The following STK3 variants were observed in gnomAD, a reference collection of about 807,000 sequenced individuals.
The protein encoded by STK3 is serine/threonine-protein kinase 3.
In STK3, 41 loss-of-function variants were observed where a neutral mutation model predicts 58.0. That is an observed-to-expected ratio of 0.71 (90% CI 0.55 to 0.92). The LOEUF is 0.92. Ranked by LOEUF, STK3 falls within the 40% of genes least tolerant of loss-of-function variation. The pLI is 0.00. For missense variants in STK3, 479 were observed against 602.7 expected (o/e 0.79, Z 2.15); for synonymous variants, 170 against 191.0 (o/e 0.89, Z 0.91).
chr8:98,915,057 GGGT>G (rs750710419), intron 1 of STK3, among the ~76,000 whole-genome samples: 10 of 151,868 alleles, frequency 6.6e-5, no homozygotes, highest in Non-Finnish European at 1.2e-4. Context: ...TCAAAGGAAA[GGGT>G]GGTTGTGATG....
intron 3 of STK3, among the ~76,000 whole-genome samples, chr8:98,404,880 T>G (rs2131031467): frequency 6.6e-6 from 1 of 152,158 alleles, no homozygotes; most frequent in African/African-American, 2.4e-5. Flanking sequence ...AAAACTTGAC[T>G]GTAGGTTACC....
At chr8:98,515,907 G>A (rs1339141962) in intron 10 of STK3, among the ~76,000 whole-genome samples, 1 of 151,852 alleles carries the variant, frequency 6.6e-6, no homozygotes, top group Non-Finnish European at 1.5e-5. Context: ...TTCTGTAAAG[G>A]ATCTCCTGCA....
intron 3 of STK3, among the ~76,000 whole-genome samples, chr8:98,415,829 G>T (rs1054334934): frequency 6.6e-6 from 1 of 152,154 alleles, no homozygotes; most frequent in Non-Finnish European, 1.5e-5. Context: ...ATGTGGTATT[G>T]TTGTACAATG....
chr8:98,679,564 G>T (rs1487993484), intron 6 of STK3, among the ~76,000 whole-genome samples: 1 of 152,070 alleles, frequency 6.6e-6, no homozygotes. Flanking sequence ...CCCTCCCTCA[G>T]TAGAATATAA....
intron 6 of STK3, among the ~76,000 whole-genome samples, chr8:98,688,487 A>G (rs929014603): frequency 2.6e-5 from 4 of 152,222 alleles, no homozygotes; most frequent in African/African-American, 4.8e-5. Context: ...TCATATGTAC[A>G]TAGAACATAC....
chr8:98,857,682 A>G (rs549216648), intron 3 of STK3, among the ~76,000 whole-genome samples: 3 of 152,332 alleles, frequency 2.0e-5, no homozygotes, highest in African/African-American at 7.2e-5. Context: ...AAAACTTCTA[A>G]AAGTGACATC....
intron 8 of STK3, among the ~76,000 whole-genome samples, chr8:98,558,727 T>C (rs991104123): frequency 2.6e-5 from 4 of 152,078 alleles, no homozygotes; most frequent in African/African-American, 9.7e-5. Context: ...TCCATTATGA[T>C]AGTATTTTTA....
At chr8:98,683,747 C>T (rs1024597154) in intron 6 of STK3, among the ~76,000 whole-genome samples, 2 of 152,080 alleles carry the variant, frequency 1.3e-5, no homozygotes, top group African/African-American at 4.8e-5. Flanking sequence ...AGAAAGATTA[C>T]GGGAGGAAGA....
At position 98,854,406 on chromosome 8, in the gene STK3, C is replaced by T. The variant is rs180915799; in HGVS notation, c.110+29241G>A. ...TGCCCAACTCTGCCTCCCAAAATGCCGAGATTACAGGCATGAGCCACCATG... is the reference window on the plus strand; with the variant it reads ...TGCCCAACTCTGCCTCCCAAAATGCTGAGATTACAGGCATGAGCCACCATG... On this transcript the variant is annotated intron_variant, in intron 3 of 12. Transcript: ENST00000523601. 8.6e-3 allele frequency among the ~76,000 whole-genome samples: 1,302 copies of T among 151,872 alleles called. 13 individuals carry two copies. The highest frequency in any genetic ancestry group is 0.029 in the African/African-American group (1,217 of 41,448).
intron 3 of STK3, among the ~76,000 whole-genome samples, chr8:98,857,346 A>G (rs948357430): frequency 1.3e-5 from 2 of 152,208 alleles, no homozygotes; most frequent in Non-Finnish European, 2.9e-5. Context: ...GTTTAGCTTC[A>G]TGGATCTGTT....
At chr8:98,662,528 T>C (rs532838900) in intron 6 of STK3, among the ~76,000 whole-genome samples, 3 of 152,282 alleles carry the variant, frequency 2.0e-5, no homozygotes, top group Admixed American at 6.5e-5. Context: ...TTTAACACCA[T>C]GGATTAAAAA....
At chr8:98,416,055 G>A (rs747120527) in intron 3 of STK3, among the ~76,000 whole-genome samples, 2 of 152,176 alleles carry the variant, frequency 1.3e-5, no homozygotes, top group Admixed American at 1.3e-4. Flanking sequence ...TACTTCCACA[G>A]CAGAGGGAGA....
chr8:98,782,315 A>G lies in STK3; in HGVS notation c.27-7496T>C, dbSNP rs532079878. The G allele has an allele frequency of 2.2e-4, 40 of 179,524 alleles. No homozygotes were observed. In the Middle Eastern group the frequency reaches 0.024, roughly 108 times the overall value. The allele number at this position is 179,524 out of a possible 1,614,324, so 11.1% of individuals were successfully genotyped here. A position where few individuals can be genotyped will look rare whatever the true frequency, so the allele number is the denominator to read the frequency against. Reference sequence around the variant, plus strand: ...ACAGCCAATACTCAAATGCCAGAGAAGGTAACCTGGGTGAGGAGAATAGGA... The same window carrying G: ...ACAGCCAATACTCAAATGCCAGAGAGGGTAACCTGGGTGAGGAGAATAGGA... On this transcript the variant is annotated intron_variant, in intron 1 of 10. Transcript: ENST00000419617.
intron 1 of STK3, among the ~76,000 whole-genome samples, chr8:98,808,118 T>C (rs1833999066): frequency 6.6e-6 from 1 of 152,186 alleles, no homozygotes; most frequent in Non-Finnish European, 1.5e-5. Flanking sequence ...AAAAATTATG[T>C]AGAACAATAA....
chr8:98,391,197 A>G (rs1236644085), upstream of STK3, among the ~76,000 whole-genome samples: 1 of 152,208 alleles, frequency 6.6e-6, no homozygotes, highest in Non-Finnish European at 1.5e-5. Context: ...CTTAGCAGGC[A>G]ATGAACCTGG....
intron 6 of STK3, among the ~76,000 whole-genome samples, chr8:98,666,982 T>G (rs1277457505): frequency 6.6e-6 from 1 of 152,142 alleles, no homozygotes; most frequent in Non-Finnish European, 1.5e-5. Flanking sequence ...GATCATATTG[T>G]CTTTTTAAAA....
At chr8:98,783,704 A>G (rs1162544389) in intron 1 of STK3, among the ~76,000 whole-genome samples, 1 of 152,248 alleles carries the variant, frequency 6.6e-6, no homozygotes, top group African/African-American at 2.4e-5. Context: ...TAGAACTTTC[A>G]AAATTGGAAT....
intron 3 of STK3, among the ~76,000 whole-genome samples, chr8:98,872,582 C>T (rs112653422): frequency 6.6e-6 from 1 of 152,074 alleles, no homozygotes; most frequent in East Asian, 1.9e-4. Context: ...GTGTATGTGT[C>T]GAGGAATTTA....
At chr8:98,347,543 C>A in the STK3 span, among the ~76,000 whole-genome samples, 88,725 of 150,984 alleles carry the variant, frequency 0.59, 26,411 homozygotes, top group African/African-American at 0.68. Flanking sequence ...CCAAAAAAAA[C>A]CACAGCGTAT....
Sources: allele counts gnomAD v4.1 joint callset (sites outside exome capture counted in the v4.1 genomes callset), GRCh38; gene constraint gnomAD v4.1.1; transcripts MANE v1.5; gene names NCBI Gene and HGNC (gene_info 2026-07-23, HGNC 2026-07-21).